CSMD1: variants seen among roughly 807,000 people sequenced by gnomAD.
CSMD1 encodes CUB and sushi domain-containing protein 1.
In CSMD1, 213 loss-of-function variants were observed where a neutral mutation model predicts 417.5. That is an observed-to-expected ratio of 0.51 (90% CI 0.46 to 0.57). The LOEUF (loss-of-function observed/expected upper bound fraction) is 0.57, where lower values mean the gene tolerates loss of function less well. Ranked by LOEUF, CSMD1 falls within the 20% of genes least tolerant of loss-of-function variation. The probability of loss-of-function intolerance (pLI) is 0.00; values close to 1 mark genes in which losing one functional copy is unlikely to be tolerated. For missense variants in CSMD1, 6,923 were observed against 4,529.7 expected, an observed-to-expected ratio of 1.53 and a Z score of -15.17; for synonymous variants, 2,862 against 1,736.8, an observed-to-expected ratio of 1.65 and a Z score of -16.11.
chr8:3,357,277 T>G (rs1220145101), intron 21 of CSMD1, among the ~76,000 whole-genome samples: 1 of 152,198 alleles, frequency 6.6e-6, no homozygotes, highest in Non-Finnish European at 1.5e-5. Flanking sequence ...AAAGGCTGAG[T>G]TGCAGGCTCC....
intron 5 of CSMD1, among the ~76,000 whole-genome samples, chr8:3,944,681 G>C (rs942725760): frequency 6.6e-6 from 1 of 152,110 alleles, no homozygotes; most frequent in African/African-American, 2.4e-5. Flanking sequence ...GAAATAAAAA[G>C]ATCTATGTTG....
intron 3 of CSMD1, among the ~76,000 whole-genome samples, chr8:4,407,712 C>G (rs1193563941): frequency 6.6e-6 from 1 of 152,132 alleles, no homozygotes; most frequent in African/African-American, 2.4e-5. Flanking sequence ...TCATAAATAG[C>G]TGTAGTTTTT....
intron 3 of CSMD1, among the ~76,000 whole-genome samples, chr8:4,193,954 ATTTATATTCTTTCC>A (rs1799187629): frequency 6.6e-6 from 1 of 151,900 alleles, no homozygotes. Context: ...GCTGCAGGTA[ATTTATATTCTTTCC>A]TAAGTAAATG....
chr8:3,732,247 G>A lies in CSMD1; in HGVS notation c.931+21683C>T, dbSNP rs1025628954. Among the ~76,000 whole-genome samples the A allele has an allele frequency of 2.0e-5, 3 of 152,124 alleles. No homozygotes were observed. In the East Asian group the frequency reaches 5.8e-4, roughly 29 times the overall value. On this transcript the variant is annotated intron_variant, in intron 6 of 69. Transcript: ENST00000635120. ...GTTTCGCCCGAGGCCACCCTGCAGG[G>A]CAATTACTCGATACAAAGCTGCCCT...
At chr8:3,296,000 C>T (rs967410474) in intron 25 of CSMD1, among the ~76,000 whole-genome samples, 2 of 151,952 alleles carry the variant, frequency 1.3e-5, no homozygotes, top group African/African-American at 2.4e-5. Flanking sequence ...GATAGGCAAA[C>T]CACAGCATCC....
chr8:4,275,332 T>C (rs1796422223), intron 3 of CSMD1, among the ~76,000 whole-genome samples: 1 of 152,184 alleles, frequency 6.6e-6, no homozygotes, highest in Non-Finnish European at 1.5e-5. Flanking sequence ...AGCTTCTGTG[T>C]TGTGTATTTG....
chr8:4,721,499 C>G (rs896003021), intron 1 of CSMD1, among the ~76,000 whole-genome samples: 2 of 152,048 alleles, frequency 1.3e-5, no homozygotes, highest in African/African-American at 4.8e-5. Context: ...ATATACAAAT[C>G]AAAACTATGA....
intron 5 of CSMD1, among the ~76,000 whole-genome samples, chr8:3,807,095 G>A (rs927368437): frequency 6.6e-6 from 1 of 152,048 alleles, no homozygotes; most frequent in African/African-American, 2.4e-5. Flanking sequence ...CACGCACTGG[G>A]GGAAGGTTAA....
At chr8:4,851,537 T>C (rs977996926) in intron 1 of CSMD1, among the ~76,000 whole-genome samples, 1 of 152,118 alleles carries the variant, frequency 6.6e-6, no homozygotes, top group Non-Finnish European at 1.5e-5. Context: ...AGGGTTGAGG[T>C]AGTCTACCCC....
intron 15 of CSMD1, among the ~76,000 whole-genome samples, chr8:3,402,623 C>G (rs1285266573): frequency 6.6e-6 from 1 of 152,128 alleles, no homozygotes; most frequent in Non-Finnish European, 1.5e-5. Context: ...CTATTGTGAG[C>G]TTTTCACTGT....
In CSMD1 at chr8:4,442,061, C is replaced by CA. The variant is rs1798515001; in HGVS notation, c.303-21997dup. ...AGAGGTCTGGAAACCCATTTTGTTT[C>CA]AAAACTGCTCAGAGTTTGAGTTGTA... On this transcript the variant is annotated intron_variant, in intron 2 of 69. Coordinates refer to ENST00000635120, the MANE Select transcript of CSMD1 (RefSeq NM_033225.6). Among the ~76,000 whole-genome samples the CA allele has an allele frequency of 2.6e-5, 4 of 152,204 alleles. No individual in the cohort carries two copies. In the South Asian group the frequency reaches 8.3e-4, roughly 32 times the overall value.
chr8:3,245,087 T>C (rs564288396), intron 26 of CSMD1, among the ~76,000 whole-genome samples: 71 of 152,238 alleles, frequency 4.7e-4, no homozygotes, highest in Non-Finnish European at 1.0e-3. Context: ...GCATTGTGAA[T>C]TTGTAAAGCA....
Position 3,382,291 on chromosome 8 carries a change from T to C in CSMD1, c.2782+5203A>G, listed in dbSNP as rs956284164. 3.3e-5 allele frequency among the ~76,000 whole-genome samples: 5 copies of C among 149,912 alleles called. No individual in the cohort carries two copies. The South Asian group carries it at 8.3e-4, about 25-fold the overall frequency. The stretch of plus-strand genomic sequence containing the variant: ...TTCTGATTCCTAGTCAGCACTGGAA[T>C]ATTTTTTAAAGTTTATTGGGTTAGG... On this transcript the variant is annotated intron_variant, in intron 18 of 69. Transcript: ENST00000635120.
chr8:4,277,222 C>A (rs1169649779), intron 3 of CSMD1, among the ~76,000 whole-genome samples: 1 of 151,826 alleles, frequency 6.6e-6, no homozygotes, highest in African/African-American at 2.4e-5. Flanking sequence ...TATATACACA[C>A]AGACACATAC....
chr8:4,555,881 T>TA (rs1035066396), intron 2 of CSMD1, among the ~76,000 whole-genome samples: 18 of 152,070 alleles, frequency 1.2e-4, no homozygotes, highest in African/African-American at 3.9e-4. Context: ...AGACTTTCTT[T>TA]AAAAAAAGTC....
chr8:2,970,119 G>A (rs1804312753), intron 57 of CSMD1, among the ~76,000 whole-genome samples: 1 of 152,144 alleles, frequency 6.6e-6, no homozygotes, highest in Non-Finnish European at 1.5e-5. Context: ...TGCATTGCCT[G>A]AGTTAGATAG....
At chr8:4,442,511 C>G (rs1300088484) in intron 2 of CSMD1, among the ~76,000 whole-genome samples, 2 of 152,050 alleles carry the variant, frequency 1.3e-5, no homozygotes, top group African/African-American at 4.8e-5. Flanking sequence ...AGATGTTATT[C>G]CTTATGTCTG....
Position 3,409,621 on chromosome 8 carries a change from C to G in CSMD1, c.1562-16G>C, listed in dbSNP as rs780826197. 1.0e-5 allele frequency: 16 copies of G among 1,547,004 alleles called. No homozygotes were observed. In the Admixed American group the frequency reaches 1.1e-4, roughly 11 times the overall value. On this transcript the variant is annotated splice_polypyrimidine_tract_variant and intron_variant, in intron 12 of 69. Coordinates refer to ENST00000635120, the MANE Select transcript of CSMD1 (RefSeq NM_033225.6). The stretch of plus-strand genomic sequence containing the variant: ...TTTTCAATTTCTGAAAATGGAAAAA[C>G]AAATGAACCCTTAAAAAAACACACA...
intron 2 of CSMD1, among the ~76,000 whole-genome samples, chr8:4,507,505 G>T (rs1334478831): frequency 6.6e-6 from 1 of 152,132 alleles, no homozygotes; most frequent in Non-Finnish European, 1.5e-5. Context: ...TAACCCTCTA[G>T]AGGCTTATGA....
Sources: allele counts gnomAD v4.1 joint callset (sites outside exome capture counted in the v4.1 genomes callset), GRCh38; gene constraint gnomAD v4.1.1; transcripts MANE v1.5; gene names NCBI Gene and HGNC (gene_info 2026-07-23, HGNC 2026-07-21).